The following TANC2 variants were observed in gnomAD, a reference collection of about 807,000 sequenced individuals.
TANC2 encodes the protein protein TANC2.
A neutral mutation model predicts 210.5 loss-of-function variants in TANC2; 26 were observed. The ratio of observed to expected loss-of-function variants is 0.12; its 90% CI spans 0.09 to 0.17. The LOEUF is 0.17. Among genes scored for constraint, TANC2 ranks in the 10% least tolerant of loss-of-function variants. The probability of loss-of-function intolerance (pLI) is 1.00; values close to 1 mark genes in which losing one functional copy is unlikely to be tolerated. For synonymous variants in TANC2, 931 were observed against 967.1 expected, an observed-to-expected ratio of 0.96 and a Z score of 0.69; for missense variants, 2,129 against 2,608.9, an observed-to-expected ratio of 0.82 and a Z score of 4.01.
intron 5 of TANC2, among the ~76,000 whole-genome samples, chr17:63,166,309 CAGAGAGAG>C (rs143389476): frequency 1.3e-5 from 2 of 149,362 alleles, no homozygotes; most frequent in East Asian, 1.9e-4. Context: ...CTAGATAGCA[CAGAGAGAG>C]AGAGAGAGAG....
intron 20 of TANC2, 150 bp downstream of exon 20, chr17:63,405,405 G>A: frequency 1.2e-6 from 1 of 833,384 alleles, no homozygotes; most frequent in Non-Finnish European, 1.7e-6. Context: ...TGAGTATTCT[G>A]GTTAATTGAG....
rs994394840 is a variant in TANC2 at position 63,378,977 on chromosome 17, A to G, written c.2583-741A>G. 2.2e-4 allele frequency among the ~76,000 whole-genome samples: 34 copies of G among 152,162 alleles called. 1 individual carries two copies. Among genetic ancestry groups the G allele is most frequent in the Non-Finnish European group, 5.9e-5 (4 of 68,036 alleles). The stretch of plus-strand genomic sequence containing the variant: ...TATATACTGGCCTAAGGCTGAGAAG[A>G]AAAGTCTAAATAAAGAAAAAGATAC... On this transcript the variant is annotated intron_variant, in intron 14 of 27. Coordinates refer to ENST00000689528, the Ensembl canonical transcript of TANC2.
chr17:63,158,789 C>T (rs945255168), intron 5 of TANC2, among the ~76,000 whole-genome samples: 2 of 152,188 alleles, frequency 1.3e-5, no homozygotes, highest in Non-Finnish European at 2.9e-5. Flanking sequence ...AATCCAAATG[C>T]AGCATAGCAG....
rs147174016 is a variant in TANC2 at position 62,977,085 on chromosome 17, A to G, written c.-24+10336A>G. On this transcript the variant is annotated intron_variant, in intron 1 of 27. Coordinates refer to ENST00000689528, the Ensembl canonical transcript of TANC2. Reference sequence around the variant, plus strand: ...TGGCGAGTGTACCCTTTCTGCAGAAAGTAAAAATGGCCTTGCTGAGAGAAT... The same window carrying G: ...TGGCGAGTGTACCCTTTCTGCAGAAGGTAAAAATGGCCTTGCTGAGAGAAT... Among the ~76,000 whole-genome samples, 355 of 152,350 alleles carry G rather than the reference A, an allele frequency of 2.3e-3. 1 individual carries two copies. The highest frequency in any genetic ancestry group is 0.011 in the South Asian group (53 of 4,828).
chr17:63,014,777 G>A (rs578168992), intron 2 of TANC2, among the ~76,000 whole-genome samples: 12 of 152,152 alleles, frequency 7.9e-5, no homozygotes, highest in African/African-American at 2.9e-4. Context: ...TTGATTTTCT[G>A]GGTATTTAGT....
At chr17:63,056,803 T>G (rs891916360) in intron 2 of TANC2, among the ~76,000 whole-genome samples, 1 of 152,248 alleles carries the variant, frequency 6.6e-6, no homozygotes, top group Non-Finnish European at 1.5e-5. Flanking sequence ...TTATCTGTAT[T>G]TCTCCTGTGG....
chr17:63,267,125 A>G (rs1031295251), intron 8 of TANC2, among the ~76,000 whole-genome samples: 1 of 152,178 alleles, frequency 6.6e-6, no homozygotes, highest in Non-Finnish European at 1.5e-5. Context: ...AAGTCCTGGG[A>G]TTACTAGCAT....
intron 4 of TANC2, among the ~76,000 whole-genome samples, chr17:63,141,852 A>AT (rs1435859833): frequency 1.2e-4 from 19 of 152,204 alleles, no homozygotes; most frequent in African/African-American, 4.3e-4. Flanking sequence ...TCAGAGCAAA[A>AT]TTAAAAGTTT....
At chr17:63,267,677 C>T (rs1022663567) in intron 8 of TANC2, 71 bp from the exon 9 acceptor site, 29 of 1,513,528 alleles carry the variant, frequency 1.9e-5, no homozygotes, top group African/African-American at 5.5e-5. Flanking sequence ...TCCAAAGTTC[C>T]GGAGATACAG....
intron 3 of TANC2, among the ~76,000 whole-genome samples, chr17:63,097,555 G>T (rs971310659): frequency 4.7e-5 from 7 of 149,676 alleles, no homozygotes; most frequent in Non-Finnish European, 7.4e-5. Context: ...AGTAACGATA[G>T]CTGATAAGCT....
chr17:63,387,747 T>C (rs1210313446), intron 15 of TANC2, among the ~76,000 whole-genome samples: 3 of 152,238 alleles, frequency 2.0e-5, no homozygotes, highest in Non-Finnish European at 4.4e-5. Flanking sequence ...CAAATTATTC[T>C]AACTTCCTTC....
chr17:63,189,269 T>C (rs902633905), intron 5 of TANC2, among the ~76,000 whole-genome samples: 1 of 152,240 alleles, frequency 6.6e-6, no homozygotes, highest in African/African-American at 2.4e-5. Flanking sequence ...TCAGTTCTTT[T>C]GGGTATATGC....
Position 63,330,190 on chromosome 17 carries a change from G to A in TANC2, c.1576-9911G>A, listed in dbSNP as rs150273386. On this transcript the variant is annotated intron_variant, in intron 11 of 27. Transcript: ENST00000689528. ...CTCTCTTCAATTCTATGAAGGCTGA[G>A]AGAGGTGAGGAAGCTTCAGAAAAAG... 8.3e-3 allele frequency among the ~76,000 whole-genome samples: 1,268 copies of A among 152,296 alleles called. 15 individuals are homozygous for A. The highest frequency in any genetic ancestry group is 0.028 in the African/African-American group (1,159 of 41,564).
chr17:63,279,745 T>C (rs1443518077), intron 9 of TANC2, among the ~76,000 whole-genome samples: 2 of 152,142 alleles, frequency 1.3e-5, no homozygotes, highest in Admixed American at 1.3e-4. Flanking sequence ...AGGAACATAG[T>C]GTTTTCAAAA....
chr17:63,017,596 C>A (rs554143796), intron 2 of TANC2, among the ~76,000 whole-genome samples: 7 of 152,232 alleles, frequency 4.6e-5, no homozygotes, highest in African/African-American at 1.4e-4. Context: ...TGAAACATTT[C>A]TTTATCTCCA....
intron 9 of TANC2, among the ~76,000 whole-genome samples, chr17:63,283,624 G>A (rs956365908): frequency 3.3e-5 from 5 of 151,922 alleles, no homozygotes; most frequent in African/African-American, 1.2e-4. Context: ...AACCTATATA[G>A]TATATCTCTG....
At position 63,220,719 on chromosome 17, in the gene TANC2, AAT is replaced by A. The variant is rs1266114806; in HGVS notation, c.770-17078_770-17077del. Among the ~76,000 whole-genome samples the A allele has an allele frequency of 3.6e-4, 49 of 134,398 alleles. 1 individual carries two copies. The highest frequency in any genetic ancestry group is 5.5e-4 in the African/African-American group (19 of 34,720). The allele number at this position is 134,398 out of a possible 152,430, so 88.2% of individuals were successfully genotyped here. ...AATCAGTCTCAAAAAAAAAAAAAAA[AAT>A]ATATATATATATATATGTATATATA... On this transcript the variant is annotated intron_variant, in intron 7 of 27. Coordinates refer to ENST00000689528, the Ensembl canonical transcript of TANC2.
chr17:63,026,959 AAGCTAT>A (rs1449472666), intron 2 of TANC2, among the ~76,000 whole-genome samples: 2 of 152,160 alleles, frequency 1.3e-5, no homozygotes, highest in Non-Finnish European at 2.9e-5. Flanking sequence ...GGAAGACAGA[AAGCTAT>A]GTAAGGCTTA....
At chr17:63,016,919 AG>A in intron 2 of TANC2, among the ~76,000 whole-genome samples, 1 of 152,024 alleles carries the variant, frequency 6.6e-6, no homozygotes. Flanking sequence ...ATTCACTTGG[AG>A]GAGTTATTTA....
Sources: gnomAD v4.1 joint callset for allele counts (sites outside exome capture counted in the v4.1 genomes callset) on GRCh38, gnomAD v4.1.1 for gene constraint, MANE v1.5 for transcripts, NCBI Gene and HGNC (gene_info 2026-07-23, HGNC 2026-07-21) for gene names.